The following USP3 variants were observed in gnomAD, a reference collection of about 807,000 sequenced individuals.
The protein encoded by USP3 is ubiquitin carboxyl-terminal hydrolase 3.
A neutral mutation model predicts 72.3 loss-of-function variants in USP3; 20 were observed. That is an observed-to-expected ratio of 0.28 (90% CI 0.19 to 0.40). USP3 has a LOEUF of 0.40. Among genes scored for constraint, USP3 ranks in the 10% least tolerant of loss-of-function variants. The probability of loss-of-function intolerance (pLI) is 1.00; values close to 1 mark genes in which losing one functional copy is unlikely to be tolerated. For synonymous variants in USP3, 222 were observed against 225.3 expected, an observed-to-expected ratio of 0.99 and a Z score of 0.13; for missense variants, 479 against 633.9, an observed-to-expected ratio of 0.76 and a Z score of 2.62.
At chr15:63,527,448 T>C (rs1024936305) in intron 1 of USP3, among the ~76,000 whole-genome samples, 1 of 152,224 alleles carries the variant, frequency 6.6e-6, no homozygotes, top group East Asian at 1.9e-4. Context: ...GTCAGTGCCA[T>C]GTGCTTAAAC....
chr15:63,517,060 CTT>C (rs2065859798), intron 1 of USP3, among the ~76,000 whole-genome samples: 1 of 150,218 alleles, frequency 6.7e-6, no homozygotes, highest in Non-Finnish European at 1.5e-5. Flanking sequence ...TTATATTATA[CTT>C]TAAGTTTTAG....
At chr15:63,509,467 G>T (rs2065754983) in intron 1 of USP3, among the ~76,000 whole-genome samples, 1 of 152,132 alleles carries the variant, frequency 6.6e-6, no homozygotes, top group Non-Finnish European at 1.5e-5. Context: ...CATCTGCAGT[G>T]TTGTTATCAC....
chr15:63,512,354 T>C (rs1314588635), intron 1 of USP3, among the ~76,000 whole-genome samples: 1 of 42,984 alleles, frequency 2.3e-5, no homozygotes, highest in Non-Finnish European at 7.4e-5. Context: ...CTCCTCTTCC[T>C]CTTCTTCTTC....
chr15:63,556,970 C>G (rs899000752), intron 5 of USP3: 9 of 401,334 alleles, frequency 2.2e-5, no homozygotes, highest in Non-Finnish European at 4.1e-5. Context: ...TACTGCTGTG[C>G]TCCTCTTCCC....
chr15:63,527,194 G>A (rs2065995424), intron 1 of USP3, among the ~76,000 whole-genome samples: 1 of 152,212 alleles, frequency 6.6e-6, no homozygotes, highest in Non-Finnish European at 1.5e-5. Flanking sequence ...ACTGTGCCCA[G>A]CATGTTCTTT....
intron 2 of USP3, among the ~76,000 whole-genome samples, chr15:63,533,568 T>C (rs2066110560): frequency 6.6e-6 from 1 of 152,210 alleles, no homozygotes; most frequent in Non-Finnish European, 1.5e-5. Context: ...AAATGAGAAA[T>C]CATACTGAGT....
chr15:63,541,469 G>A (rs1248833827), intron 3 of USP3, among the ~76,000 whole-genome samples: 3 of 152,056 alleles, frequency 2.0e-5, no homozygotes, highest in African/African-American at 7.2e-5. Flanking sequence ...GGAGAGTTTT[G>A]TTTATTTAAA....
In USP3 at chr15:63,569,989, C is replaced by T. The variant is rs551284460; in HGVS notation, c.762-444C>T. The stretch of plus-strand genomic sequence containing the variant: ...CCCTTTCTTATAGTAGTGGTTCACA[C>T]CTGGTTTTCTAGTGAGGGTAAGAGG... On this transcript the variant is annotated intron_variant, in intron 8 of 14. Coordinates refer to ENST00000380324, the MANE Select transcript of USP3 (RefSeq NM_006537.4). 5.9e-5 allele frequency among the ~76,000 whole-genome samples: 9 copies of T among 152,228 alleles called. No individual in the cohort carries two copies. In the South Asian group the frequency reaches 1.0e-3, roughly 18 times the overall value.
rs1242632155 is a variant in USP3 at position 63,544,269 on chromosome 15, A to AT, written c.284+7119dup. 6.5e-6 allele frequency: 1 copy of AT among 153,382 alleles called. No homozygotes were observed. The highest frequency in any genetic ancestry group is 1.4e-5 in the Non-Finnish European group (1 of 69,400). 9.5% of individuals were successfully genotyped at this position (153,382 alleles called of 1,614,324 possible). A position where few individuals can be genotyped will look rare whatever the true frequency, so the allele number is the denominator to read the frequency against. ...TAGTGGATACTCAGTTTTGTGGTTT[A>AT]TTTTTTAACTTGATTAGGAAGCTGA... On this transcript the variant is annotated intron_variant, in intron 3 of 14. Coordinates refer to ENST00000380324, the MANE Select transcript of USP3 (RefSeq NM_006537.4). The surrounding 1 kb of genome is among the most constrained non-coding windows in gnomAD (Gnocchi z 4.2).
chr15:63,527,855 T>C (rs1457472281), intron 1 of USP3: 1 of 152,260 alleles, frequency 6.6e-6, no homozygotes, highest in Non-Finnish European at 1.5e-5. Context: ...TCGGTTCTCA[T>C]CTGGTTTTCA....
intron 3 of USP3, among the ~76,000 whole-genome samples, chr15:63,541,524 T>G (rs933128451): frequency 6.6e-6 from 1 of 152,136 alleles, no homozygotes; most frequent in Non-Finnish European, 1.5e-5. Flanking sequence ...ATAGAGATAA[T>G]CTTAAAACAT....
At chr15:63,589,673 A>G (rs2067147803) in intron 14 of USP3, among the ~76,000 whole-genome samples, 1 of 152,156 alleles carries the variant, frequency 6.6e-6, no homozygotes, top group Non-Finnish European at 1.5e-5. Context: ...TGGTGCCTTC[A>G]GCTCATGAAA....
intron 1 of USP3, among the ~76,000 whole-genome samples, chr15:63,507,405 T>C (rs1355005744): frequency 1.3e-5 from 2 of 152,210 alleles, no homozygotes; most frequent in African/African-American, 4.8e-5. Context: ...AAGAAAAGGG[T>C]AATACTTTGC....
At chr15:63,519,966 G>A (rs1036060578) in intron 1 of USP3, among the ~76,000 whole-genome samples, 12 of 152,026 alleles carry the variant, frequency 7.9e-5, no homozygotes, top group African/African-American at 2.2e-4. Flanking sequence ...GGCACGCGCC[G>A]TCATTCTTTG....
chr15:63,540,604 C>T (rs778557360), intron 3 of USP3, among the ~76,000 whole-genome samples: 2 of 152,198 alleles, frequency 1.3e-5, no homozygotes, highest in Non-Finnish European at 2.9e-5. Flanking sequence ...TATAGGTGAA[C>T]TACTTCATTT....
chr15:63,568,378 G>T (rs369041750), intron 8 of USP3, among the ~76,000 whole-genome samples: 3 of 150,482 alleles, frequency 2.0e-5, no homozygotes, highest in African/African-American at 7.3e-5. Context: ...AAAAATTGGA[G>T]CCAGTTATTT....
chr15:63,585,426 C>A (rs1385143561), intron 11 of USP3, among the ~76,000 whole-genome samples: 1 of 152,072 alleles, frequency 6.6e-6, no homozygotes, highest in African/African-American at 2.4e-5. Context: ...TCTTTTGTCT[C>A]CTTAAATGTA....
chr15:63,537,126 G>A lies in USP3; in HGVS notation c.254G>A (p.Cys85Tyr). Residue 85 changes from cysteine (C) to tyrosine (Y), a missense_variant, in exon 3 of 15, where the codon TGT becomes TAT. Transcript: ENST00000380324. Reference protein sequence around the residue: ...EKQDKVQHTVCMDCSSYSTYC... With the variant: ...EKQDKVQHTVYMDCSSYSTYC... ...CAAGATAAAGTTCAGCACACAGTATGTATGGATTGCAGTAGCTACAGTACA... is the reference window on the plus strand; with the variant it reads ...CAAGATAAAGTTCAGCACACAGTATATATGGATTGCAGTAGCTACAGTACA... 6.2e-7 allele frequency: 1 copy of A among 1,614,052 alleles called. No homozygotes were observed. The highest frequency in any genetic ancestry group is 8.5e-7 in the Non-Finnish European group (1 of 1,179,966).
At chr15:63,575,158 GT>G (rs11321018) in intron 11 of USP3, among the ~76,000 whole-genome samples, 62,196 of 121,368 alleles carry the variant, frequency 0.51, 15,192 homozygotes, top group East Asian at 0.88. Flanking sequence ...TGTCATGATG[GT>G]TTTTTTTTTT....
Sources: gnomAD v4.1 joint callset for allele counts (sites outside exome capture counted in the v4.1 genomes callset) on GRCh38, gnomAD v4.1.1 for gene constraint, Gnocchi (gnomAD v3.1) non-coding constraint, MANE v1.5 for transcripts, NCBI Gene and HGNC (gene_info 2026-07-23, HGNC 2026-07-21) for gene names.